The following PVT1 variants were observed in gnomAD, a reference collection of about 807,000 sequenced individuals.
PVT1 encodes CXCR4/PVT1 fusion.
chr8:128,012,580 G>A (rs1817326355), intron 4 of PVT1, among the ~76,000 whole-genome samples: 1 of 152,170 alleles, frequency 6.6e-6, no homozygotes. Flanking sequence ...GCCCTGTTGG[G>A]TGTGCAAGGA....
intron 4 of PVT1, among the ~76,000 whole-genome samples, chr8:127,997,819 T>A (rs1304757974): frequency 6.6e-6 from 1 of 152,220 alleles, no homozygotes; most frequent in African/African-American, 2.4e-5. Context: ...CAGGATCCCA[T>A]CTGGGATCCC....
chr8:128,028,220 G>A (rs1384643416), intron 4 of PVT1, among the ~76,000 whole-genome samples: 1 of 152,256 alleles, frequency 6.6e-6, no homozygotes, highest in Admixed American at 6.5e-5. Flanking sequence ...GGGTGCTGGT[G>A]CCGGCGCGCT....
intron 5 of PVT1, among the ~76,000 whole-genome samples, chr8:128,087,255 C>T (rs1426329519): frequency 2.0e-5 from 3 of 152,194 alleles, no homozygotes; most frequent in Non-Finnish European, 4.4e-5. Flanking sequence ...TCCCTTCCCT[C>T]GATGGAATCC....
At chr8:128,042,092 A>G (rs1813552462) in intron 4 of PVT1, among the ~76,000 whole-genome samples, 1 of 152,178 alleles carries the variant, frequency 6.6e-6, no homozygotes, top group South Asian at 2.1e-4. Flanking sequence ...AAAGCATGTG[A>G]AGCTTCCTTA....
rs142754102 is a variant in PVT1, at chr8:127,930,679, C to T, written n.782+39681C>T. On this transcript the variant is annotated intron_variant and non_coding_transcript_variant, in intron 3 of 10. Coordinates refer to ENST00000651587, the Ensembl canonical transcript of PVT1. ...TGTGTAAAGGTACCAGTTCCTGGGG[C>T]GTCAAAGGTTTTTCTTTCCCTTCGT... Among the ~76,000 whole-genome samples, 327 of 152,146 alleles carry T rather than the reference C, an allele frequency of 2.1e-3. 1 individual carries two copies. In the Middle Eastern group the frequency reaches 0.031, roughly 14 times the overall value.
chr8:127,934,918 G>A (rs558187222), intron 3 of PVT1, among the ~76,000 whole-genome samples: 2 of 152,088 alleles, frequency 1.3e-5, no homozygotes, highest in Non-Finnish European at 2.9e-5. Flanking sequence ...AGTTCTGTTT[G>A]GTTTTAACTG....
At chr8:127,912,961 G>T (rs1815924965) in intron 3 of PVT1, among the ~76,000 whole-genome samples, 1 of 152,238 alleles carries the variant, frequency 6.6e-6, no homozygotes, top group Non-Finnish European at 1.5e-5. Flanking sequence ...ACCTCCCAAA[G>T]TGTTGGGATT....
chr8:127,939,280 G>A (rs140174910), intron 3 of PVT1, among the ~76,000 whole-genome samples: 52 of 152,316 alleles, frequency 3.4e-4, no homozygotes, highest in African/African-American at 1.3e-3. Flanking sequence ...CCCTGATATG[G>A]GATGGTTAAG....
At chr8:127,841,726 CT>C (rs113903934) in intron 2 of PVT1, among the ~76,000 whole-genome samples, 6 of 148,920 alleles carry the variant, frequency 4.0e-5, no homozygotes, top group African/African-American at 7.4e-5. Flanking sequence ...TACACATCTG[CT>C]TTTTTTTTTC....
Position 127,877,387 on chromosome 8 carries a change from G to A in PVT1, n.373-13202G>A, listed in dbSNP as rs911733248. Among the ~76,000 whole-genome samples, 4 of 152,300 alleles carry A rather than the reference G, an allele frequency of 2.6e-5. No individual in the cohort carries two copies. In the East Asian group the frequency reaches 7.7e-4, roughly 29 times the overall value. On this transcript the variant is annotated intron_variant and non_coding_transcript_variant, in intron 2 of 10. Coordinates refer to ENST00000651587, the Ensembl canonical transcript of PVT1. ...GGGGATTAAGTGGGAAATTAAAAGG[G>A]TTTTCTTTGTGACTGGTGACTGATA...
intron 3 of PVT1, among the ~76,000 whole-genome samples, chr8:127,967,087 G>A (rs1245329080): frequency 6.6e-6 from 1 of 152,110 alleles, no homozygotes; most frequent in African/African-American, 2.4e-5. Flanking sequence ...CAACGCCTTG[G>A]GTAATGAGTG....
intron 6 of PVT1, among the ~76,000 whole-genome samples, chr8:128,097,669 C>T (rs1008584842): frequency 9.9e-5 from 15 of 152,106 alleles, no homozygotes; most frequent in African/African-American, 3.1e-4. Flanking sequence ...GATTATCATT[C>T]CTTGTAAACA....
chr8:127,866,873 A>G (rs1815291432), intron 2 of PVT1, among the ~76,000 whole-genome samples: 1 of 152,148 alleles, frequency 6.6e-6, no homozygotes, highest in Non-Finnish European at 1.5e-5. Flanking sequence ...CCAGGTAAAC[A>G]CATTATCAAG....
At position 127,932,087 on chromosome 8, in the gene PVT1, T is replaced by G. The variant is rs547459630; in HGVS notation, n.782+41089T>G. Among the ~76,000 whole-genome samples the G allele has an allele frequency of 3.3e-5, 5 of 152,352 alleles. No individual in the cohort carries two copies. The East Asian group carries it at 9.6e-4, about 29-fold the overall frequency. Reference sequence around the variant, plus strand: ...AACACCACCATGGAGGGCCTGGCCTTTGGCGGTGGACAGTCTGTGGCTGGG... The same window carrying G: ...AACACCACCATGGAGGGCCTGGCCTGTGGCGGTGGACAGTCTGTGGCTGGG... On this transcript the variant is annotated intron_variant and non_coding_transcript_variant, in intron 3 of 10. Transcript: ENST00000651587.
intron 4 of PVT1, among the ~76,000 whole-genome samples, chr8:128,027,556 T>TCC (rs1202360273): frequency 6.6e-6 from 1 of 152,126 alleles, no homozygotes; most frequent in African/African-American, 2.4e-5. Flanking sequence ...AGTCCCAGAG[T>TCC]CAGTGATGGA....
At chr8:127,972,577 A>G (rs1218527140) in intron 3 of PVT1, among the ~76,000 whole-genome samples, 1 of 152,032 alleles carries the variant, frequency 6.6e-6, no homozygotes, top group African/African-American at 2.4e-5. Context: ...GTCTCTACTA[A>G]AAATACAAAA....
intron 2 of PVT1, among the ~76,000 whole-genome samples, chr8:127,841,736 T>C (rs577452554): frequency 6.6e-6 from 1 of 151,754 alleles, no homozygotes; most frequent in Non-Finnish European, 1.5e-5. Flanking sequence ...CTTTTTTTTT[T>C]CTTCTTTCTG....
intron 2 of PVT1, among the ~76,000 whole-genome samples, chr8:127,835,406 T>C (rs1814898626): frequency 7.4e-6 from 1 of 135,966 alleles, no homozygotes; most frequent in Admixed American, 8.0e-5. Context: ...TGAGAACATA[T>C]GGACACAGGG....
At chr8:128,033,532 G>A (rs1563670984) in intron 4 of PVT1, among the ~76,000 whole-genome samples, 1 of 152,194 alleles carries the variant, frequency 6.6e-6, no homozygotes, top group Non-Finnish European at 1.5e-5. Flanking sequence ...GGCCACCCCA[G>A]AGGCTAGAAC....
Sources: allele counts gnomAD v4.1 joint callset (sites outside exome capture counted in the v4.1 genomes callset), GRCh38; gene constraint gnomAD v4.1.1; transcripts MANE v1.5; gene names NCBI Gene and HGNC (gene_info 2026-07-23, HGNC 2026-07-21).